Variants in CDH19 observed in about 807,000 individuals in gnomAD.
CDH19 encodes the protein cadherin 19.
In CDH19, 67 loss-of-function variants were observed where a neutral mutation model predicts 64.2. The observed-to-expected ratio is 1.04, with a 90% CI of 0.86 to 1.28. The LOEUF (loss-of-function observed/expected upper bound fraction) is 1.28, where lower values mean the gene tolerates loss of function less well. Ranked by LOEUF, CDH19 falls within the 50% of genes most tolerant of loss-of-function variation. The pLI is 0.00. For missense variants in CDH19, 1,030 were observed against 929.0 expected, an observed-to-expected ratio of 1.11 and a Z score of -1.41; for synonymous variants, 346 against 319.3, an observed-to-expected ratio of 1.08 and a Z score of -0.89.
At chr18:66,588,871 A>G (rs1236132289) in intron 1 of CDH19, among the ~76,000 whole-genome samples, 2 of 151,850 alleles carry the variant, frequency 1.3e-5, no homozygotes, top group East Asian at 3.9e-4. Context: ...TTAGGGAATC[A>G]TACATCCCAG....
chr18:66,603,425 T>C (rs1989086246), intron 1 of CDH19, among the ~76,000 whole-genome samples: 1 of 151,600 alleles, frequency 6.6e-6, no homozygotes, highest in African/African-American at 2.4e-5. Flanking sequence ...GGCATATATG[T>C]GTTTTTATTC....
At chr18:66,528,843 C>T (rs935427093) in intron 9 of CDH19, among the ~76,000 whole-genome samples, 2 of 151,414 alleles carry the variant, frequency 1.3e-5, no homozygotes, top group African/African-American at 4.9e-5. Context: ...CCCTGACTAG[C>T]TTTGTTGATA....
intron 9 of CDH19, among the ~76,000 whole-genome samples, chr18:66,521,379 C>T (rs554919175): frequency 1.3e-5 from 2 of 152,246 alleles, no homozygotes; most frequent in Non-Finnish European, 2.9e-5. Flanking sequence ...TTTACTACAT[C>T]AACACGAGGT....
At chr18:66,603,674 T>C (rs1989091656) in intron 1 of CDH19, among the ~76,000 whole-genome samples, 1 of 152,092 alleles carries the variant, frequency 6.6e-6, no homozygotes, top group South Asian at 2.1e-4. Flanking sequence ...TGAGAAGTTT[T>C]AAATATCCTA....
intron 9 of CDH19, among the ~76,000 whole-genome samples, chr18:66,529,634 AC>A (rs1186611071): frequency 1.4e-5 from 2 of 148,136 alleles, no homozygotes; most frequent in Non-Finnish European, 3.0e-5. Flanking sequence ...AAAAATTATT[AC>A]ATATTATAAA....
rs118026039 is a variant in CDH19 at position 66,566,845 on chromosome 18, G to A, written c.490+1571C>T. ...GGATGCTTTTCTCTTCTCCAGCTAC[G>A]TTCTCTGCCAAAGGGATCTCATTCA... On this transcript the variant is annotated intron_variant, in intron 3 of 11. Transcript: ENST00000262150. Among the ~76,000 whole-genome samples, 484 of 151,912 alleles carry A rather than the reference G, an allele frequency of 3.2e-3. 1 individual carries two copies. Among genetic ancestry groups the A allele is most frequent in the Non-Finnish European group, 5.0e-3 (341 of 67,912 alleles).
At chr18:66,515,561 A>G (rs184681910) in intron 9 of CDH19, among the ~76,000 whole-genome samples, 1 of 151,932 alleles carries the variant, frequency 6.6e-6, no homozygotes, top group African/African-American at 2.4e-5. Flanking sequence ...CCTGGATAGA[A>G]CTGAGGATAC....
chr18:66,595,093 C>A (rs941434261), intron 1 of CDH19, among the ~76,000 whole-genome samples: 4 of 151,478 alleles, frequency 2.6e-5, no homozygotes, highest in African/African-American at 9.7e-5. Context: ...TCCTGAACGA[C>A]CTTCAGGTCA....
At chr18:66,566,717 A>G (rs1987924733) in intron 3 of CDH19, among the ~76,000 whole-genome samples, 1 of 151,760 alleles carries the variant, frequency 6.6e-6, no homozygotes, top group Admixed American at 6.6e-5. Flanking sequence ...CTTCTTTTGG[A>G]ACATCTTTTC....
intron 1 of CDH19, among the ~76,000 whole-genome samples, chr18:66,600,991 A>G (rs1156409708): frequency 6.6e-6 from 1 of 151,894 alleles, no homozygotes; most frequent in Admixed American, 6.6e-5. Flanking sequence ...GAAGAGTTAC[A>G]TTTTGCTTTA....
intron 1 of CDH19, among the ~76,000 whole-genome samples, chr18:66,577,416 T>C (rs1988296957): frequency 6.6e-6 from 1 of 151,816 alleles, no homozygotes; most frequent in East Asian, 1.9e-4. Context: ...AGTGTACAAA[T>C]ACACCTACAT....
intron 1 of CDH19, among the ~76,000 whole-genome samples, chr18:66,585,001 T>C (rs1378131180): frequency 2.6e-5 from 4 of 152,064 alleles, no homozygotes; most frequent in Non-Finnish European, 4.4e-5. Flanking sequence ...ACACTCTCAA[T>C]AGCCAAAATC....
intron 1 of CDH19, among the ~76,000 whole-genome samples, chr18:66,595,212 T>C (rs2144636906): frequency 6.6e-6 from 1 of 151,676 alleles, no homozygotes; most frequent in African/African-American, 2.4e-5. Context: ...AGAGGAAAGT[T>C]TATTAGTCTT....
intron 9 of CDH19, among the ~76,000 whole-genome samples, chr18:66,513,279 A>G (rs192054671): frequency 1.1e-4 from 16 of 151,624 alleles, no homozygotes; most frequent in African/African-American, 3.9e-4. Context: ...TGTATGTCAA[A>G]AGATTTTTAA....
At chr18:66,537,180 T>C (rs907932353) in intron 7 of CDH19, among the ~76,000 whole-genome samples, 2 of 151,990 alleles carry the variant, frequency 1.3e-5, no homozygotes, top group South Asian at 2.1e-4. Flanking sequence ...TTTCCACTCA[T>C]ATTCTTCTTT....
At chr18:66,539,738 T>C (rs1986815111) in intron 7 of CDH19, among the ~76,000 whole-genome samples, 1 of 152,070 alleles carries the variant, frequency 6.6e-6, no homozygotes, top group Non-Finnish European at 1.5e-5. Context: ...TTGTTACGTA[T>C]GGTAGGATAT....
At chr18:66,511,532 A>C in intron 10 of CDH19, 36 bp downstream of exon 10, 2 of 887,620 alleles carry the variant, frequency 2.3e-6, no homozygotes, top group Middle Eastern at 6.0e-4. Context: ...GAGTCACAAA[A>C]ATGTATCAAA....
At chr18:66,531,804 A>T (rs142523529) in intron 8 of CDH19, among the ~76,000 whole-genome samples, 1 of 152,292 alleles carries the variant, frequency 6.6e-6, no homozygotes, top group Non-Finnish European at 1.5e-5. Context: ...TACATAAAGC[A>T]ATTGCATAAA....
At chr18:66,550,698 G>A (rs1018365930) in intron 5 of CDH19, among the ~76,000 whole-genome samples, 2 of 152,018 alleles carry the variant, frequency 1.3e-5, no homozygotes, top group Non-Finnish European at 2.9e-5. Context: ...AATTAAGGAT[G>A]TCTCCCAGCT....
Sources: allele counts gnomAD v4.1 joint callset (sites outside exome capture counted in the v4.1 genomes callset), GRCh38; gene constraint gnomAD v4.1.1; transcripts MANE v1.5; gene names NCBI Gene and HGNC (gene_info 2026-07-23, HGNC 2026-07-21).